SORBS2: variants seen among roughly 807,000 people sequenced by gnomAD.
SORBS2 encodes the protein sorbin and SH3 domain containing 2.
In SORBS2, 46 loss-of-function variants were observed where a neutral mutation model predicts 97.7. The ratio of observed to expected loss-of-function variants is 0.47; its 90% CI spans 0.37 to 0.60. The LOEUF is 0.60. Ranked by LOEUF, SORBS2 falls within the 20% of genes least tolerant of loss-of-function variation. SORBS2 has a pLI of 0.00. For synonymous variants in SORBS2, 476 were observed against 473.4 expected, an observed-to-expected ratio of 1.01 and a Z score of -0.07; for missense variants, 1,316 against 1,282.3, an observed-to-expected ratio of 1.03 and a Z score of -0.40.
intron 12 of SORBS2, 118 bp downstream of exon 24, chr4:185,611,662 T>C: frequency 1.3e-6 from 1 of 754,888 alleles, no homozygotes; most frequent in South Asian, 2.0e-5. Flanking sequence ...AAACATAATA[T>C]GTAAATCTCT....
intron 2 of SORBS2, among the ~76,000 whole-genome samples, chr4:185,744,290 C>A (rs945468356): frequency 2.6e-5 from 4 of 152,118 alleles, no homozygotes; most frequent in African/African-American, 9.7e-5. Context: ...TGCATTATTG[C>A]ATTCATGTGG....
At chr4:185,613,242 G>A (rs1008128905) in intron 11 of SORBS2, among the ~76,000 whole-genome samples, 1 of 152,204 alleles carries the variant, frequency 6.6e-6, no homozygotes, top group Non-Finnish European at 1.5e-5. Flanking sequence ...TTCTTCAGGT[G>A]CTACCCAAGA....
intron 12 of SORBS2, among the ~76,000 whole-genome samples, chr4:185,599,041 G>A (rs1042910763): frequency 2.0e-5 from 3 of 152,214 alleles, no homozygotes; most frequent in South Asian, 2.1e-4. Flanking sequence ...TGGCATTTCT[G>A]TCTCTATGGC....
chr4:185,739,241 GAATA>G (rs1349526290), intron 2 of SORBS2, among the ~76,000 whole-genome samples: 1 of 152,116 alleles, frequency 6.6e-6, no homozygotes, highest in African/African-American at 2.4e-5. Flanking sequence ...TCAAAAAGCT[GAATA>G]AATAGTCTTA....
At chr4:185,907,875 T>C (rs895161731) in intron 1 of SORBS2, among the ~76,000 whole-genome samples, 4 of 151,876 alleles carry the variant, frequency 2.6e-5, no homozygotes, top group African/African-American at 9.7e-5. Flanking sequence ...AGACCTATGC[T>C]TTGTCTTGGT....
chr4:185,647,235 C>T (rs898925542), intron 3 of SORBS2, among the ~76,000 whole-genome samples: 3 of 151,932 alleles, frequency 2.0e-5, no homozygotes, highest in Non-Finnish European at 4.4e-5. Flanking sequence ...AACAGGAGGT[C>T]GTCTTTTGGT....
At chr4:185,587,641 C>T in exon 15 of SORBS2, 1 of 1,613,388 alleles carries the variant, frequency 6.2e-7, no homozygotes, top group Non-Finnish European at 8.5e-7. Context: ...AGCCTCTTGA[C>T]GTAGTTTCCG....
chr4:185,793,370 G>A (rs975477952), intron 1 of SORBS2, among the ~76,000 whole-genome samples: 4 of 152,184 alleles, frequency 2.6e-5, no homozygotes, highest in East Asian at 1.9e-4. Context: ...CATTTTTGCC[G>A]TGAATACTCC....
At position 185,878,716 on chromosome 4, in the gene SORBS2, A is replaced by AACTCCACACCTCACATCTGATTCT. The variant is rs1264164344; in HGVS notation, c.-338+77456_-338+77479dup. Among the ~76,000 whole-genome samples, 3 of 152,186 alleles carry AACTCCACACCTCACATCTGATTCT rather than the reference A, an allele frequency of 2.0e-5. No homozygotes were observed. The East Asian group carries it at 5.8e-4, about 29-fold the overall frequency. Reference sequence around the variant, plus strand: ...TGCGCTTTCCACCCAGCACCCAGGGAACTCCACACCTCACATCTGATTCTA... The same window carrying AACTCCACACCTCACATCTGATTCT: ...TGCGCTTTCCACCCAGCACCCAGGGAACTCCACACCTCACATCTGATTCTACTCCACACCTCACATCTGATTCTA... On this transcript the variant is annotated intron_variant, in intron 1 of 20. Coordinates refer to the SORBS2 transcript ENST00000284776.
At chr4:185,831,636 G>A (rs1161681908) in intron 1 of SORBS2, among the ~76,000 whole-genome samples, 2 of 152,198 alleles carry the variant, frequency 1.3e-5, no homozygotes, top group East Asian at 1.9e-4. Flanking sequence ...GGGTTACTAA[G>A]TTTTTATTAT....
chr4:185,795,056 T>C (rs1214849417), intron 1 of SORBS2, among the ~76,000 whole-genome samples: 1 of 152,134 alleles, frequency 6.6e-6, no homozygotes, highest in Non-Finnish European at 1.5e-5. Context: ...ATAGGCGGGC[T>C]TCATGAGCTT....
At chr4:185,898,369 C>A (rs1248205297) in intron 1 of SORBS2, among the ~76,000 whole-genome samples, 1 of 151,842 alleles carries the variant, frequency 6.6e-6, no homozygotes, top group African/African-American at 2.4e-5. Flanking sequence ...CAGTTGATGT[C>A]AAAAATAAGA....
chr4:185,955,080 C>G (rs1482493663), intron 1 of SORBS2, among the ~76,000 whole-genome samples: 1 of 152,176 alleles, frequency 6.6e-6, no homozygotes, highest in African/African-American at 2.4e-5. Flanking sequence ...CTTATAAGAG[C>G]TTCCACAAAT....
intron 1 of SORBS2, among the ~76,000 whole-genome samples, chr4:185,808,791 G>A (rs570307540): frequency 2.0e-5 from 3 of 152,244 alleles, no homozygotes; most frequent in African/African-American, 7.2e-5. Flanking sequence ...CTTCATAAGT[G>A]TCTTACATTA....
rs2096442197 is a variant in SORBS2 at position 185,607,072 on chromosome 4, A to G, written c.2796+4708T>C. 7 of 1,038,366 alleles carry G rather than the reference A, an allele frequency of 6.7e-6. No homozygotes were observed. The South Asian group carries it at 1.6e-4, about 24-fold the overall frequency. 64.3% of individuals were successfully genotyped at this position (1,038,366 alleles called of 1,614,324 possible). On this transcript the variant is annotated intron_variant, in intron 12 of 14. Transcript: ENST00000418609. The surrounding 1 kb of genome is among the most constrained non-coding windows in gnomAD (Gnocchi z 5.2). Reference sequence around the variant, plus strand: ...TTCGGCAGGTGCAGTCGCTGGGGACAATGGGAGGAGGACAGCAGGTTCCTC... The same window carrying G: ...TTCGGCAGGTGCAGTCGCTGGGGACGATGGGAGGAGGACAGCAGGTTCCTC...
chr4:185,752,691 T>G (rs1165517211), intron 2 of SORBS2, among the ~76,000 whole-genome samples: 1 of 152,190 alleles, frequency 6.6e-6, no homozygotes, highest in African/African-American at 2.4e-5. Flanking sequence ...AGCACAGTCC[T>G]TTACAGAAAT....
intron 1 of SORBS2, among the ~76,000 whole-genome samples, chr4:185,877,940 C>T (rs1043688454): frequency 1.6e-4 from 19 of 119,644 alleles, no homozygotes; most frequent in Non-Finnish European, 3.7e-4. Flanking sequence ...CAACTCTTTA[C>T]CCAAAAAAAC....
chr4:185,639,188 G>T (rs1211103360), intron 4 of SORBS2, among the ~76,000 whole-genome samples, 153 bp from the exon 14 acceptor site: 2 of 152,196 alleles, frequency 1.3e-5, no homozygotes, highest in African/African-American at 2.4e-5. Flanking sequence ...GACGCCTCGG[G>T]AGCGATCCGG....
chr4:185,743,839 C>G (rs1445117587), intron 2 of SORBS2, among the ~76,000 whole-genome samples: 2 of 150,752 alleles, frequency 1.3e-5, no homozygotes, highest in Non-Finnish European at 1.5e-5. Flanking sequence ...CTTCTTTCCT[C>G]CTCCTCCTCC....
Sources: gnomAD v4.1 joint callset for allele counts (sites outside exome capture counted in the v4.1 genomes callset) on GRCh38, gnomAD v4.1.1 for gene constraint, Gnocchi (gnomAD v3.1) non-coding constraint, MANE v1.5 for transcripts, NCBI Gene and HGNC (gene_info 2026-07-23, HGNC 2026-07-21) for gene names.